Variants in RIN3 observed in about 807,000 individuals in gnomAD.
RIN3 encodes Ras and Rab interactor 3.
Under a neutral mutation model 76.3 loss-of-function variants are expected in RIN3, and 54 were observed. That is an observed-to-expected ratio of 0.71 (90% CI 0.57 to 0.89). RIN3 has a LOEUF of 0.89. RIN3 is among the 40% of genes least tolerant of loss of function. RIN3 has a pLI of 0.00. For synonymous variants in RIN3, 576 were observed against 564.0 expected (o/e 1.02, Z -0.30); for missense variants, 1,256 against 1,322.1 (o/e 0.95, Z 0.78).
chr14:92,619,377 A>G (rs752270793), intron 4 of RIN3, among the ~76,000 whole-genome samples: 2 of 151,970 alleles, frequency 1.3e-5, no homozygotes, highest in African/African-American at 4.8e-5. Context: ...TACAAAAAAA[A>G]ACACACACAC....
At chr14:92,665,729 C>G (rs1326173772) in intron 7 of RIN3, among the ~76,000 whole-genome samples, 2 of 151,024 alleles carry the variant, frequency 1.3e-5, no homozygotes, top group Admixed American at 6.6e-5. Flanking sequence ...TGTTTTTTTT[C>G]CCCCAGCCCC....
intron 1 of RIN3, among the ~76,000 whole-genome samples, chr14:92,547,549 T>C (rs1326548736): frequency 1.3e-5 from 2 of 150,096 alleles, no homozygotes; most frequent in Non-Finnish European, 3.0e-5. Context: ...TGCACACCAC[T>C]GTGCCCAGCT....
In RIN3 at chr14:92,600,782, G is replaced by A. The variant is rs573183977; in HGVS notation, c.368-14625G>A. On this transcript the variant is annotated intron_variant, in intron 3 of 9. Transcript: ENST00000216487. ...CACGGCATTGTTGGCATTTGGAGCC[G>A]GGTCATTCCTTGTCGTGTGGACTGT... Among the ~76,000 whole-genome samples the A allele has an allele frequency of 7.5e-4, 115 of 152,344 alleles. 1 individual carries two copies. Among genetic ancestry groups the A allele is most frequent in the Admixed American group, 1.2e-3 (19 of 15,304 alleles).
At chr14:92,580,084 A>G (rs1031806791) in intron 3 of RIN3, among the ~76,000 whole-genome samples, 1 of 152,278 alleles carries the variant, frequency 6.6e-6, no homozygotes, top group African/African-American at 2.4e-5. Flanking sequence ...CAGAATGGAT[A>G]AAACACAACT....
chr14:92,557,531 C>T (rs1023744521), intron 2 of RIN3, among the ~76,000 whole-genome samples: 3 of 152,226 alleles, frequency 2.0e-5, no homozygotes, highest in Non-Finnish European at 4.4e-5. Flanking sequence ...TCGTTCACCT[C>T]GGACGAGGTA....
rs1235940449 is a variant in RIN3, at chr14:92,688,082, C to T, written c.2788C>T (p.Arg930Cys). 11 of 1,606,180 alleles carry T rather than the reference C, an allele frequency of 6.8e-6. No individual in the cohort carries two copies. Among genetic ancestry groups the T allele is most frequent in the South Asian group, 6.6e-5 (6 of 90,416 alleles). ...CCGGCTGTTCGTGCTGGTGGACGGGCGCTGCTTCCAGCTGGCGGACGACGC... is the reference window on the plus strand; with the variant it reads ...CCGGCTGTTCGTGCTGGTGGACGGGTGCTGCTTCCAGCTGGCGGACGACGC... ...AHRLFVLVDG[R>C]CFQLADDALP... Residue 930 changes from arginine (R) to cysteine (C), a missense_variant, in exon 10 of 10, where the codon CGC (arginine) becomes TGC (cysteine). By Grantham distance (180) the Arg-to-Cys change is radical. Coordinates refer to ENST00000216487, the MANE Select transcript of RIN3 (RefSeq NM_024832.5).
At chr14:92,651,555 C>A (rs1404432811) in intron 5 of RIN3, 27 bp from the exon 6 acceptor site, 5 of 1,447,256 alleles carry the variant, frequency 3.5e-6, no homozygotes, top group Non-Finnish European at 4.7e-6. Context: ...CACAGACTGA[C>A]CCCCTGCCCC....
intron 4 of RIN3, among the ~76,000 whole-genome samples, chr14:92,631,906 G>A (rs1202851593): frequency 6.6e-6 from 1 of 152,152 alleles, no homozygotes; most frequent in East Asian, 1.9e-4. Flanking sequence ...CTCAGACCGG[G>A]GTTTGAGAAC....
intron 7 of RIN3, among the ~76,000 whole-genome samples, chr14:92,667,125 C>T (rs1200090029): frequency 3.3e-5 from 5 of 152,114 alleles, no homozygotes; most frequent in African/African-American, 9.7e-5. Context: ...ATGGGGACCC[C>T]AGGGGTATGG....
At chr14:92,553,122 C>T (rs1264202571) in intron 1 of RIN3, among the ~76,000 whole-genome samples, 1 of 151,712 alleles carries the variant, frequency 6.6e-6, no homozygotes, top group African/African-American at 2.4e-5. Context: ...CCCCATTGCA[C>T]AGATGAGGAA....
intron 4 of RIN3, among the ~76,000 whole-genome samples, chr14:92,632,231 A>G (rs1335391345): frequency 6.6e-6 from 1 of 152,060 alleles, no homozygotes; most frequent in Non-Finnish European, 1.5e-5. Flanking sequence ...AACCCCACTG[A>G]GGCTAGGGGA....
chr14:92,676,872 T>C (rs61992634), intron 8 of RIN3, among the ~76,000 whole-genome samples: 16,991 of 152,072 alleles, frequency 0.11, 1,057 homozygotes, highest in East Asian at 0.24. Flanking sequence ...TAGGAGCATG[T>C]TACCCAGACT....
chr14:92,633,837 G>A (rs1306883031), intron 4 of RIN3, among the ~76,000 whole-genome samples: 2 of 147,762 alleles, frequency 1.4e-5, no homozygotes, highest in Non-Finnish European at 3.0e-5. Context: ...GTCTCATTTT[G>A]CTAAACTTTT....
intron 3 of RIN3, among the ~76,000 whole-genome samples, chr14:92,584,916 G>A (rs932485057): frequency 6.6e-6 from 1 of 152,240 alleles, no homozygotes; most frequent in Non-Finnish European, 1.5e-5. Flanking sequence ...TACAGGAAGT[G>A]AGCTGCCCAG....
chr14:92,554,507 A>G (rs1051062320), intron 1 of RIN3, among the ~76,000 whole-genome samples: 3 of 152,234 alleles, frequency 2.0e-5, no homozygotes, highest in African/African-American at 7.2e-5. Flanking sequence ...GAACTGTCCT[A>G]TATCAGCACC....
At chr14:92,529,474 T>C (rs764005819) in intron 1 of RIN3, among the ~76,000 whole-genome samples, 17 of 152,104 alleles carry the variant, frequency 1.1e-4, no homozygotes, top group Non-Finnish European at 2.1e-4. Flanking sequence ...GGTCTTGAAC[T>C]CCTGACCTCG....
At chr14:92,677,110 C>T (rs1018369207) in intron 8 of RIN3, among the ~76,000 whole-genome samples, 4 of 152,208 alleles carry the variant, frequency 2.6e-5, no homozygotes, top group Admixed American at 1.3e-4. Context: ...CAGGGACTCT[C>T]GGCCCCTTGC....
At position 92,648,944 on chromosome 14, in the gene RIN3, C is replaced by T. The variant is rs542505003; in HGVS notation, c.533-2638C>T. Among the ~76,000 whole-genome samples, 121 of 152,158 alleles carry T rather than the reference C, an allele frequency of 8.0e-4. 1 individual carries two copies. The highest frequency in any genetic ancestry group is 4.6e-4 in the Admixed American group (7 of 15,278). ...TCCACACTGAGGGAATAGCATTAGC[C>T]AAGACCTGCTGGTGGGGCAGCGCAT... On this transcript the variant is annotated intron_variant, in intron 5 of 9. Coordinates refer to ENST00000216487, the MANE Select transcript of RIN3 (RefSeq NM_024832.5). This position sits in a 1 kb window ranked among gnomAD's most constrained non-coding sequence, Gnocchi z 4.1.
At position 92,660,423 on chromosome 14, in the gene RIN3, A is replaced by G. The variant is rs1196722429; in HGVS notation, c.2335+954A>G. ...CTGGGATGGCCTTGCCCACTTGCTG[A>G]GTGGTTGGTTGGCTGTTGGCTGGTC... On this transcript the variant is annotated intron_variant, in intron 7 of 9. Transcript: ENST00000216487. Among the ~76,000 whole-genome samples the G allele has an allele frequency of 9.4e-5, 14 of 148,306 alleles. No individual in the cohort carries two copies. The South Asian group carries it at 2.1e-3, about 22-fold the overall frequency.
Sources: gnomAD v4.1 joint callset for allele counts (sites outside exome capture counted in the v4.1 genomes callset) on GRCh38, gnomAD v4.1.1 for gene constraint, Gnocchi (gnomAD v3.1) non-coding constraint, MANE v1.5 for transcripts, NCBI Gene and HGNC (gene_info 2026-07-23, HGNC 2026-07-21) for gene names.